The following CENPN variants were observed in gnomAD, a reference collection of about 807,000 sequenced individuals.
CENPN encodes interphase centromere complex protein 32.
Under a neutral mutation model 48.6 loss-of-function variants are expected in CENPN, and 36 were observed. The observed-to-expected ratio is 0.74, with a 90% CI of 0.57 to 0.98. The LOEUF is 0.98. CENPN is among the 50% of genes least tolerant of loss of function. The pLI is 0.00. For missense variants in CENPN, 439 were observed against 399.2 expected, an observed-to-expected ratio of 1.10 and a Z score of -0.85; for synonymous variants, 166 against 135.2, an observed-to-expected ratio of 1.23 and a Z score of -1.58.
intron 3 of CENPN, among the ~76,000 whole-genome samples, chr16:81,015,076 C>T (rs1376181534): frequency 1.3e-5 from 2 of 152,214 alleles, no homozygotes; most frequent in African/African-American, 2.4e-5. Context: ...ATTTATCAGG[C>T]ATAGCCCCAT....
chr16:81,028,820 G>C lies in CENPN; in HGVS notation c.*169G>C. On this transcript the variant is annotated 3_prime_UTR_variant, in exon 11 of 11. Transcript: ENST00000305850. ...TGTTGGGACTGATTCATTCCTCCAC[G>C]ATATGCCTCCTCTCTCTGATATCCT... 7.2e-7 allele frequency: 1 copy of C among 1,392,730 alleles called. No individual in the cohort carries two copies. Among genetic ancestry groups the C allele is most frequent in the Non-Finnish European group, 9.3e-7 (1 of 1,078,804 alleles). 86.3% of individuals were successfully genotyped at this position (1,392,730 alleles called of 1,614,324 possible).
intron 3 of CENPN, among the ~76,000 whole-genome samples, chr16:81,015,640 G>A (rs952403689): frequency 3.9e-5 from 6 of 152,188 alleles, no homozygotes; most frequent in Non-Finnish European, 8.8e-5. Context: ...CTCATTTTCA[G>A]TGGTTGGATT....
At chr16:81,022,461 A>G in intron 6 of CENPN, 136 bp from the exon 7 acceptor site, 3 of 690,038 alleles carry the variant, frequency 4.3e-6, no homozygotes, top group Non-Finnish European at 7.4e-6. Context: ...ACAGGCTATC[A>G]GATGTTTTTC....
In CENPN at chr16:81,026,545, T is replaced by C; in HGVS notation, c.717T>C (p.His239=). ...LDINMDSRII[H]ENIVEKERVQ... ...CCATAGTGGATTCAAGGATCATTCA[T>C]GAAAACATAGTAGAAAAAGAGAGAG... is the stretch of plus-strand genomic sequence containing the variant. Residue 239 remains histidine, a synonymous_variant, in exon 9 of 11, where the codon CAT becomes CAC. Transcript: ENST00000305850. The C allele has an allele frequency of 1.3e-6, 2 of 1,592,842 alleles. No individual in the cohort carries two copies. The highest frequency in any genetic ancestry group is 2.2e-5 in the East Asian group (1 of 44,542).
At chr16:81,010,537 C>T (rs80228569) in intron 1 of CENPN, among the ~76,000 whole-genome samples, 1,977 of 152,290 alleles carry the variant, frequency 0.013, 40 homozygotes, top group African/African-American at 0.045. Flanking sequence ...TCTTTGTTCA[C>T]AGGCGGTGCA....
chr16:81,023,183 A>T (rs1446675164), intron 7 of CENPN: 3 of 313,020 alleles, frequency 9.6e-6, no homozygotes, highest in South Asian at 5.7e-5. Flanking sequence ...ACAAATACAG[A>T]TCTGTCCTTA....
chr16:81,032,392 C>T (rs1970809134), downstream of CENPN, among the ~76,000 whole-genome samples: 2 of 152,294 alleles, frequency 1.3e-5, no homozygotes, highest in East Asian at 1.9e-4. Context: ...ACACACGTTC[C>T]CCATCTCCTT....
intron 1 of CENPN, among the ~76,000 whole-genome samples, chr16:81,009,652 T>C (rs1167728404): frequency 2.6e-4 from 40 of 152,360 alleles, no homozygotes; most frequent in Non-Finnish European, 1.5e-5. Context: ...TTTCAGTATA[T>C]TGTTAAAATA....
chr16:81,021,356 C>T (rs1275557982), intron 6 of CENPN, among the ~76,000 whole-genome samples: 1 of 152,122 alleles, frequency 6.6e-6, no homozygotes, highest in African/African-American at 2.4e-5. Context: ...ATTGGCCTGG[C>T]ACTTGCTGCT....
At chr16:81,014,669 A>T in intron 3 of CENPN, among the ~76,000 whole-genome samples, 1 of 152,178 alleles carries the variant, frequency 6.6e-6, no homozygotes, top group East Asian at 1.9e-4. Context: ...ATAGTACATT[A>T]TCTACTTCAC....
At chr16:81,020,669 A>T (rs1214873604) in intron 6 of CENPN, among the ~76,000 whole-genome samples, 2 of 152,228 alleles carry the variant, frequency 1.3e-5, no homozygotes, top group East Asian at 3.8e-4. Flanking sequence ...ATATAAAAAA[A>T]TGCAACCGAT....
At chr16:81,012,576 C>G (rs904737780) in intron 2 of CENPN, among the ~76,000 whole-genome samples, 2 of 152,126 alleles carry the variant, frequency 1.3e-5, no homozygotes, top group African/African-American at 4.8e-5. Flanking sequence ...ATACCCGTCT[C>G]TCCTTCACTT....
Position 81,030,227 on chromosome 16 carries a change from G to A in CENPN, c.*1576G>A, listed in dbSNP as rs761732076. ...CCATATCACAGGCATGAGCTACCAC[G>A]CCCGCCAGCATGTCTTTTTTAAACA... is the stretch of plus-strand genomic sequence containing the variant. On this transcript the variant is annotated 3_prime_UTR_variant, in exon 11 of 11. Transcript: ENST00000305850. 8.4e-5 allele frequency: 83 copies of A among 985,396 alleles called. No individual in the cohort carries two copies. Among genetic ancestry groups the A allele is most frequent in the East Asian group, 1.1e-4 (1 of 8,820 alleles). 61.0% of individuals were successfully genotyped at this position (985,396 alleles called of 1,614,324 possible).
rs1411103262 is a variant in CENPN, at chr16:81,031,278, C to G, written c.*2627C>G. ...TTTTATTTCACCAGCACTACAACTC[C>G]TCAACAGCACCAACCAATAAACTAT... On this transcript the variant is annotated 3_prime_UTR_variant, in exon 11 of 11. Coordinates refer to ENST00000305850, the MANE Select transcript of CENPN (RefSeq NM_001100624.3). 1.3e-5 allele frequency: 2 copies of G among 152,070 alleles called. No homozygotes were observed. The highest frequency in any genetic ancestry group is 2.9e-5 in the Non-Finnish European group (2 of 68,016). The allele number at this position is 152,070 out of a possible 1,614,324, so 9.4% of individuals were successfully genotyped here.
At chr16:81,014,052 T>C in intron 2 of CENPN, 84 bp from the exon 3 acceptor site, 1 of 1,131,372 alleles carries the variant, frequency 8.8e-7, no homozygotes, top group Non-Finnish European at 1.3e-6. Flanking sequence ...AATAGTCTGT[T>C]CTAACCAATC....
At chr16:81,026,482 A>G in intron 8 of CENPN, 44 bp from the exon 9 acceptor site, 1 of 934,606 alleles carries the variant, frequency 1.1e-6, no homozygotes, top group Non-Finnish European at 1.7e-6. Context: ...TAAGGATGAA[A>G]TATATTCCTA....
rs139523815 is a variant in CENPN, at chr16:81,012,044, A to C, written c.105A>C (p.Gln35His). 8.1e-5 allele frequency: 131 copies of C among 1,614,184 alleles called. No individual in the cohort carries two copies. The East Asian group carries it at 2.9e-3, about 35-fold the overall frequency. The change falls in exon 2 of 11, where the codon CAA becomes CAC. Residue 35 changes from glutamine (Q) to histidine (H), a missense_variant. Physicochemically the swap from Gln to His is conservative, Grantham distance 24. Coordinates refer to ENST00000305850, the MANE Select transcript of CENPN (RefSeq NM_001100624.3). Reference sequence around the variant, plus strand: ...CCTGGGATTTTTTGTCTGAAAATCAACTGCAGACTGTAAATTTCCGACAGA... The same window carrying C: ...CCTGGGATTTTTTGTCTGAAAATCACCTGCAGACTGTAAATTTCCGACAGA... The part of the protein sequence containing the change: ...LKAWDFLSEN[Q>H]LQTVNFRQRK...
chr16:81,024,519 G>A, intron 7 of CENPN, 196 bp from the exon 8 acceptor site: 1 of 461,052 alleles, frequency 2.2e-6, no homozygotes, highest in Non-Finnish European at 3.9e-6. Context: ...TCCTCAAACA[G>A]AACAGTCGAG....
intron 5 of CENPN, 23 bp from the exon 6 acceptor site, chr16:81,020,077 C>CTT (rs10602593): frequency 4.4e-6 from 5 of 1,136,508 alleles, no homozygotes; most frequent in Non-Finnish European, 3.6e-6. Flanking sequence ...GAAATTAAGC[C>CTT]TTTTTTTTTT....
Sources: allele counts gnomAD v4.1 joint callset (sites outside exome capture counted in the v4.1 genomes callset), GRCh38; gene constraint gnomAD v4.1.1; transcripts MANE v1.5; gene names NCBI Gene and HGNC (gene_info 2026-07-23, HGNC 2026-07-21).